ZNF536: variants seen among roughly 807,000 people sequenced by gnomAD.
The protein encoded by ZNF536 is zinc finger protein 536.
Under a neutral mutation model 84.5 loss-of-function variants are expected in ZNF536, and 13 were observed. That is an observed-to-expected ratio of 0.15 (90% CI 0.10 to 0.24). ZNF536 has a LOEUF of 0.24. Among genes scored for constraint, ZNF536 ranks in the 10% least tolerant of loss-of-function variants. ZNF536 has a pLI of 1.00. For missense variants in ZNF536, 1,536 were observed against 1,747.5 expected (o/e 0.88, Z 2.16); for synonymous variants, 811 against 742.5 (o/e 1.09, Z -1.50).
At chr19:30,406,793 C>T (rs2050277664) in intron 1 of ZNF536, among the ~76,000 whole-genome samples, 1 of 152,172 alleles carries the variant, frequency 6.6e-6, no homozygotes, top group South Asian at 2.1e-4. Context: ...AAAGCAGGGG[C>T]CACCACAACT....
chr19:30,676,810 T>A (rs897885712), intron 1 of ZNF536, among the ~76,000 whole-genome samples: 1 of 152,210 alleles, frequency 6.6e-6, no homozygotes, highest in Non-Finnish European at 1.5e-5. Flanking sequence ...AGGGAAGCCC[T>A]TTGAACAGGG....
chr19:30,644,556 C>G (rs1057075498), intron 1 of ZNF536, among the ~76,000 whole-genome samples: 1 of 152,186 alleles, frequency 6.6e-6, no homozygotes, highest in East Asian at 1.9e-4. Context: ...GTGATGTTCC[C>G]CTTCCTGTGT....
intron 1 of ZNF536, among the ~76,000 whole-genome samples, chr19:30,442,439 G>A (rs2052096160): frequency 6.6e-6 from 1 of 152,166 alleles, no homozygotes; most frequent in Non-Finnish European, 1.5e-5. Context: ...TTGTATATTG[G>A]GAAAGTTATT....
At chr19:30,351,434 G>C (rs1054092779) in intron 2 of ZNF536, among the ~76,000 whole-genome samples, 1 of 152,146 alleles carries the variant, frequency 6.6e-6, no homozygotes, top group Non-Finnish European at 1.5e-5. Context: ...AATTACATGC[G>C]CCAACATCTG....
At chr19:30,602,199 T>C (rs2047711880) in intron 1 of ZNF536, among the ~76,000 whole-genome samples, 2 of 152,256 alleles carry the variant, frequency 1.3e-5, no homozygotes, top group South Asian at 2.1e-4. Context: ...CATCTGCTCA[T>C]GTGATGGAAC....
At chr19:30,284,377 G>A (rs531525153) in intron 2 of ZNF536, among the ~76,000 whole-genome samples, 1 of 152,192 alleles carries the variant, frequency 6.6e-6, no homozygotes, top group Non-Finnish European at 1.5e-5. Flanking sequence ...GCCCAACAAG[G>A]GTGACTTCTT....
intron 1 of ZNF536, among the ~76,000 whole-genome samples, chr19:30,402,990 T>C (rs2050117228): frequency 6.6e-6 from 1 of 151,582 alleles, no homozygotes; most frequent in Non-Finnish European, 1.5e-5. Context: ...AAGGAATAAA[T>C]GTTTACATTT....
downstream of ZNF536, among the ~76,000 whole-genome samples, chr19:30,558,792 C>A (rs147892157): frequency 1.1e-4 from 17 of 152,158 alleles, no homozygotes; most frequent in Non-Finnish European, 2.2e-4. Flanking sequence ...TTTCTAAATT[C>A]AATGACCATC....
rs765563824 is a variant in ZNF536 at position 30,443,762 on chromosome 19, A to G, written c.200A>G (p.Lys67Arg). The change falls in exon 2 of 5, where the codon AAG becomes AGG. Residue 67 changes from lysine to arginine, a missense_variant. By Grantham distance (26) the Lys-to-Arg change is conservative. Coordinates refer to ENST00000355537, the MANE Select transcript of ZNF536 (RefSeq NM_014717.3). ...EEKPPASLEEKAHVPMSGQPM... is the reference protein window; with the variant it reads ...EEKPPASLEERAHVPMSGQPM... ...AAGCCCCCCGCATCCCTGGAGGAGA[A>G]GGCCCACGTGCCCATGAGCGGCCAG... 3.7e-6 allele frequency: 6 copies of G among 1,613,022 alleles called. No homozygotes were observed. In the East Asian group the frequency reaches 1.3e-4, roughly 36 times the overall value.
chr19:30,544,452 A>G (rs565105224), intron 3 of ZNF536, among the ~76,000 whole-genome samples: 2 of 152,164 alleles, frequency 1.3e-5, no homozygotes, highest in Non-Finnish European at 2.9e-5. Context: ...TCTCTGGAGC[A>G]GTGAGGGCCA....
In ZNF536 at chr19:30,696,991, A is replaced by C. The variant is rs2051687791; in HGVS notation, c.170-13766A>C. ...GCTAGTCCATTCTCACACTGCTACA[A>C]AGATATGATCAGAGACAGGGTAATT... On this transcript the variant is annotated intron_variant, in intron 1 of 1. Transcript: ENST00000592773. Among the ~76,000 whole-genome samples the C allele has an allele frequency of 3.3e-5, 5 of 152,176 alleles. No homozygotes were observed. In the South Asian group the frequency reaches 1.0e-3, roughly 31 times the overall value.
intron 2 of ZNF536, among the ~76,000 whole-genome samples, chr19:30,482,520 A>G (rs944212428): frequency 6.6e-6 from 1 of 150,828 alleles, no homozygotes; most frequent in Non-Finnish European, 1.5e-5. Context: ...TAAGACAAAC[A>G]TAATTGTAGT....
chr19:30,631,684 GGT>G (rs1262033843), intron 1 of ZNF536, among the ~76,000 whole-genome samples: 1 of 152,138 alleles, frequency 6.6e-6, no homozygotes, highest in Non-Finnish European at 1.5e-5. Context: ...TGATTCCCTG[GGT>G]TACCAGTGAC....
intron 1 of ZNF536, among the ~76,000 whole-genome samples, chr19:30,601,036 G>T (rs2047666788): frequency 6.6e-6 from 1 of 152,236 alleles, no homozygotes; most frequent in Non-Finnish European, 1.5e-5. Context: ...TTCCAGGCCA[G>T]ATTGAGGTTA....
At chr19:30,355,029 G>T (rs184611078) in intron 3 of ZNF536, among the ~76,000 whole-genome samples, 6 of 152,312 alleles carry the variant, frequency 3.9e-5, no homozygotes, top group African/African-American at 1.4e-4. Flanking sequence ...TCCTTTTGGA[G>T]TCTTATGTAT....
At chr19:30,608,446 A>C (rs2047973636) in intron 1 of ZNF536, among the ~76,000 whole-genome samples, 1 of 152,160 alleles carries the variant, frequency 6.6e-6, no homozygotes, top group Non-Finnish European at 1.5e-5. Context: ...ATGCATACCA[A>C]AATGAGAGCT....
intron 2 of ZNF536, among the ~76,000 whole-genome samples, chr19:30,485,775 G>C (rs2054281503): frequency 1.3e-5 from 2 of 152,094 alleles, no homozygotes; most frequent in Admixed American, 1.3e-4. Flanking sequence ...TTGTAAAGTA[G>C]AAAATCAAAC....
At chr19:30,666,907 T>C (rs933483182) in intron 1 of ZNF536, among the ~76,000 whole-genome samples, 1 of 152,008 alleles carries the variant, frequency 6.6e-6, no homozygotes, top group African/African-American at 2.4e-5. Flanking sequence ...ATCCAGGATA[T>C]TTTACAGAGC....
chr19:30,300,923 C>A (rs948715646), intron 2 of ZNF536, among the ~76,000 whole-genome samples: 3 of 152,210 alleles, frequency 2.0e-5, no homozygotes, highest in Admixed American at 6.5e-5. Flanking sequence ...TGACCTTGGT[C>A]AAATCTCTTA....
Sources: gnomAD v4.1 joint callset for allele counts (sites outside exome capture counted in the v4.1 genomes callset) on GRCh38, gnomAD v4.1.1 for gene constraint, MANE v1.5 for transcripts, NCBI Gene and HGNC (gene_info 2026-07-23, HGNC 2026-07-21) for gene names.